Variants in FBXL17 observed in about 807,000 individuals in gnomAD.
The protein encoded by FBXL17 is F-box/LRR-repeat protein 17.
A neutral mutation model predicts 66.2 loss-of-function variants in FBXL17; 22 were observed. The observed-to-expected ratio is 0.33, with a 90% CI of 0.24 to 0.47. The LOEUF (loss-of-function observed/expected upper bound fraction) is 0.47, where lower values mean the gene tolerates loss of function less well. Ranked by LOEUF, FBXL17 falls within the 20% of genes least tolerant of loss-of-function variation. The probability of loss-of-function intolerance (pLI) is 1.00; values close to 1 mark genes in which losing one functional copy is unlikely to be tolerated. For synonymous variants in FBXL17, 474 were observed against 400.5 expected, an observed-to-expected ratio of 1.18 and a Z score of -2.19; for missense variants, 878 against 948.2, an observed-to-expected ratio of 0.93 and a Z score of 0.97.
chr5:108,199,201 C>T (rs1028000971), intron 5 of FBXL17, among the ~76,000 whole-genome samples: 1 of 152,084 alleles, frequency 6.6e-6, no homozygotes, highest in African/African-American at 2.4e-5. Context: ...CACACCAATA[C>T]AAAAACATGA....
chr5:108,063,646 T>C (rs930788797), intron 6 of FBXL17, among the ~76,000 whole-genome samples: 1 of 152,208 alleles, frequency 6.6e-6, no homozygotes, highest in South Asian at 2.1e-4. Context: ...CAGTCCTTCA[T>C]ATATACATTC....
At chr5:108,144,668 A>T (rs1379967985) in intron 6 of FBXL17, among the ~76,000 whole-genome samples, 1 of 152,160 alleles carries the variant, frequency 6.6e-6, no homozygotes, top group African/African-American at 2.4e-5. Flanking sequence ...TTTCATAAAC[A>T]TTCCTCATAC....
intron 6 of FBXL17, among the ~76,000 whole-genome samples, chr5:108,057,229 A>G (rs1747743887): frequency 6.6e-6 from 1 of 152,240 alleles, no homozygotes; most frequent in South Asian, 2.1e-4. Flanking sequence ...TTTGGGCCAA[A>G]CTACTAAAAG....
chr5:108,032,402 G>C (rs1746675741), intron 6 of FBXL17, among the ~76,000 whole-genome samples: 1 of 152,102 alleles, frequency 6.6e-6, no homozygotes, highest in Admixed American at 6.6e-5. Context: ...AGGACATCAG[G>C]TCCTAATTCA....
rs1386930723 is a variant in FBXL17, at chr5:108,014,583, T to C, written c.1822+6342A>G. Among the ~76,000 whole-genome samples the C allele has an allele frequency of 7.2e-5, 11 of 152,332 alleles. No homozygotes were observed. The East Asian group carries it at 1.9e-3, about 27-fold the overall frequency. Reference sequence around the variant, plus strand: ...TAAGAGTTGTCACTGCTCAGTCTTTTATTTCAAGGTTACTTAGCTGCAGTC... The same window carrying C: ...TAAGAGTTGTCACTGCTCAGTCTTTCATTTCAAGGTTACTTAGCTGCAGTC... On this transcript the variant is annotated intron_variant, in intron 7 of 8. Transcript: ENST00000542267.
At chr5:107,865,132 T>G (rs1748236529) in intron 8 of FBXL17, among the ~76,000 whole-genome samples, 2 of 152,194 alleles carry the variant, frequency 1.3e-5, no homozygotes, top group African/African-American at 4.8e-5. Flanking sequence ...AGAGAAAACA[T>G]TCAAAACCAC....
chr5:108,004,798 C>CAATAATCA (rs938541014), intron 7 of FBXL17, among the ~76,000 whole-genome samples: 5 of 152,076 alleles, frequency 3.3e-5, no homozygotes, highest in Admixed American at 6.6e-5. Context: ...ATCTCGGAAC[C>CAATAATCA]AATAATCAAA....
At chr5:108,315,492 A>G (rs910591720) in intron 4 of FBXL17, among the ~76,000 whole-genome samples, 1 of 151,500 alleles carries the variant, frequency 6.6e-6, no homozygotes, top group African/African-American at 2.4e-5. Flanking sequence ...CAATAAAGTA[A>G]CACATTAAAA....
chr5:107,954,979 C>T (rs1436458240), intron 7 of FBXL17, among the ~76,000 whole-genome samples: 5 of 152,030 alleles, frequency 3.3e-5, no homozygotes, highest in Admixed American at 2.6e-4. Context: ...TTTACTGACA[C>T]CCCGTAGATG....
intron 4 of FBXL17, among the ~76,000 whole-genome samples, chr5:108,266,598 A>G (rs1006343059): frequency 6.6e-6 from 1 of 152,172 alleles, no homozygotes; most frequent in African/African-American, 2.4e-5. Flanking sequence ...GCCACAAATA[A>G]GCCATAACGT....
At chr5:108,136,536 G>C (rs1193880131) in intron 6 of FBXL17, among the ~76,000 whole-genome samples, 1 of 152,156 alleles carries the variant, frequency 6.6e-6, no homozygotes, top group Non-Finnish European at 1.5e-5. Flanking sequence ...AAGGACTACA[G>C]TCAAAGAAAT....
chr5:107,935,639 A>C (rs572242714), intron 7 of FBXL17, among the ~76,000 whole-genome samples: 1 of 152,142 alleles, frequency 6.6e-6, no homozygotes, highest in Non-Finnish European at 1.5e-5. Flanking sequence ...ACAGAATTAC[A>C]TCATTATTTT....
chr5:108,323,570 G>T (rs1759718041), intron 4 of FBXL17, among the ~76,000 whole-genome samples: 1 of 151,892 alleles, frequency 6.6e-6, no homozygotes, highest in Admixed American at 6.6e-5. Flanking sequence ...AATCTGAAGG[G>T]CATTTTTTGC....
chr5:108,020,881 C>G (rs1352183200), intron 7 of FBXL17, 44 bp downstream of exon 7: 5 of 1,383,318 alleles, frequency 3.6e-6, no homozygotes, highest in Middle Eastern at 2.2e-4. Context: ...GATTTTGTAA[C>G]TTTTTATTCT....
chr5:108,307,039 G>A (rs1052903746), intron 4 of FBXL17, among the ~76,000 whole-genome samples: 2 of 151,766 alleles, frequency 1.3e-5, no homozygotes, highest in African/African-American at 4.8e-5. Flanking sequence ...AAAAGTAATA[G>A]TCTGAAATCA....
In FBXL17 at chr5:108,217,050, C is replaced by T. The variant is rs555358805; in HGVS notation, c.1614+7071G>A. 1.1e-4 allele frequency among the ~76,000 whole-genome samples: 16 copies of T among 152,268 alleles called. No individual in the cohort carries two copies. The South Asian group carries it at 2.5e-3, about 24-fold the overall frequency. ...ACTTTCCTTTATTTGGACTGTAAGTCTGGCCTCTATGAATCATCACCTCAG... is the reference window on the plus strand; with the variant it reads ...ACTTTCCTTTATTTGGACTGTAAGTTTGGCCTCTATGAATCATCACCTCAG... On this transcript the variant is annotated intron_variant, in intron 5 of 8. Transcript: ENST00000542267.
At chr5:108,292,182 C>T (rs942770562) in intron 4 of FBXL17, among the ~76,000 whole-genome samples, 3 of 150,800 alleles carry the variant, frequency 2.0e-5, no homozygotes, top group South Asian at 2.1e-4. Flanking sequence ...AGTGCAATGG[C>T]GCGATCTTGG....
chr5:108,011,168 A>C (rs144502677), intron 7 of FBXL17, among the ~76,000 whole-genome samples: 4 of 152,354 alleles, frequency 2.6e-5, no homozygotes, highest in African/African-American at 9.6e-5. Flanking sequence ...TTTTCTTCAA[A>C]ATAAATCATG....
At chr5:108,074,310 A>ATTT (rs33988328) in intron 6 of FBXL17, among the ~76,000 whole-genome samples, 2 of 137,292 alleles carry the variant, frequency 1.5e-5, no homozygotes, top group African/African-American at 6.1e-5. Context: ...ATTTGAAAAG[A>ATTT]TTTTTTTTTT....
Sources: gnomAD v4.1 joint callset for allele counts (sites outside exome capture counted in the v4.1 genomes callset) on GRCh38, gnomAD v4.1.1 for gene constraint, MANE v1.5 for transcripts, NCBI Gene and HGNC (gene_info 2026-07-23, HGNC 2026-07-21) for gene names.